Variants in PFDN1 observed in about 807,000 individuals in gnomAD.
PFDN1 encodes prefoldin 1.
A neutral mutation model predicts 17.3 loss-of-function variants in PFDN1; 6 were observed. That is an observed-to-expected ratio of 0.35 (90% CI 0.19 to 0.69). PFDN1 has a LOEUF of 0.69. Among genes scored for constraint, PFDN1 ranks in the 30% least tolerant of loss-of-function variants. The pLI is 0.65. For synonymous variants in PFDN1, 58 were observed against 50.1 expected, an observed-to-expected ratio of 1.16 and a Z score of -0.67; for missense variants, 113 against 146.2, an observed-to-expected ratio of 0.77 and a Z score of 1.17.
At chr5:140,280,258 C>T (rs577237584) in intron 3 of PFDN1, among the ~76,000 whole-genome samples, 3 of 58,396 alleles carry the variant, frequency 5.1e-5, no homozygotes, top group Admixed American at 1.3e-4. Context: ...TGCAAAAATG[C>T]ATTTTGTTTT....
chr5:140,257,879 G>A (rs1765010002), intron 3 of PFDN1, among the ~76,000 whole-genome samples: 1 of 152,172 alleles, frequency 6.6e-6, no homozygotes, highest in African/African-American at 2.4e-5. Flanking sequence ...CTTCGATGGA[G>A]GAAACATCTG....
In PFDN1 at chr5:140,258,330, G is replaced by A. The variant is rs116714352; in HGVS notation, c.286-12273C>T. Among the ~76,000 whole-genome samples the A allele has an allele frequency of 9.0e-3, 1,372 of 151,998 alleles. 22 individuals carry two copies. The highest frequency in any genetic ancestry group is 0.032 in the African/African-American group (1,321 of 41,422). ...ATCCCTCAGTCCCTGGAGTGGCTGG[G>A]TGGTCCAGGGCAGCCAAAACCCCCC... On this transcript the variant is annotated intron_variant, in intron 3 of 3. Transcript: ENST00000261813.
intron 3 of PFDN1, among the ~76,000 whole-genome samples, chr5:140,256,342 T>G (rs1764985131): frequency 6.6e-6 from 1 of 152,044 alleles, no homozygotes; most frequent in African/African-American, 2.4e-5. Context: ...ATCAAGCCAC[T>G]GTACTCCAGC....
intron 3 of PFDN1, among the ~76,000 whole-genome samples, chr5:140,259,421 T>C (rs1765033211): frequency 6.6e-6 from 1 of 152,188 alleles, no homozygotes. Flanking sequence ...CGATTACAGT[T>C]TCCCAATATA....
intron 3 of PFDN1, among the ~76,000 whole-genome samples, chr5:140,278,554 T>G (rs1765335802): frequency 1.4e-5 from 1 of 70,310 alleles, no homozygotes; most frequent in African/African-American, 6.9e-5. Context: ...TGAGACTCTG[T>G]CTCAAAAAAA....
intron 2 of PFDN1, chr5:140,293,091 T>C (rs140560585): frequency 6.6e-6 from 1 of 152,198 alleles, no homozygotes; most frequent in East Asian, 1.9e-4. Context: ...TTCAGAGAAA[T>C]TCAGCTAATT....
intron 3 of PFDN1, among the ~76,000 whole-genome samples, chr5:140,278,111 T>C (rs1765327168): frequency 6.7e-6 from 1 of 149,874 alleles, no homozygotes; most frequent in Admixed American, 6.6e-5. Context: ...AGGAGGCTGA[T>C]GCAGAAGAAT....
chr5:140,302,691 T>C (rs750449632), intron 1 of PFDN1, among the ~76,000 whole-genome samples: 11 of 151,920 alleles, frequency 7.2e-5, no homozygotes, highest in Non-Finnish European at 1.3e-4. Flanking sequence ...AGGCAAGGGG[T>C]CCGAAGGGAC....
At chr5:140,294,875 A>G (rs1765630668) in intron 2 of PFDN1, among the ~76,000 whole-genome samples, 1 of 151,828 alleles carries the variant, frequency 6.6e-6, no homozygotes, top group South Asian at 2.1e-4. Context: ...ATTGCTAGAC[A>G]CTTATCTAGT....
intron 2 of PFDN1, among the ~76,000 whole-genome samples, chr5:140,287,049 T>C (rs1043349007): frequency 1.1e-4 from 16 of 152,228 alleles, no homozygotes; most frequent in African/African-American, 3.9e-4. Flanking sequence ...ATGTAAGTTA[T>C]TATAAATATG....
chr5:140,246,312 C>G (rs1370794083), intron 3 of PFDN1, among the ~76,000 whole-genome samples: 1 of 152,208 alleles, frequency 6.6e-6, no homozygotes, highest in African/African-American at 2.4e-5. Context: ...CAGTAGCACT[C>G]TTCCCCCAGA....
intron 3 of PFDN1, among the ~76,000 whole-genome samples, chr5:140,260,515 A>T (rs747777135): frequency 1.3e-5 from 2 of 151,674 alleles, no homozygotes; most frequent in Non-Finnish European, 2.9e-5. Flanking sequence ...AGACATAAAA[A>T]CGAGAGAAGT....
intron 3 of PFDN1, among the ~76,000 whole-genome samples, chr5:140,272,840 T>A (rs751612260): frequency 6.6e-6 from 1 of 152,162 alleles, no homozygotes; most frequent in African/African-American, 2.4e-5. Flanking sequence ...TTTATAATGA[T>A]TAAGCTATAA....
rs10657250 is a variant in PFDN1, at chr5:140,267,753, C to CAAA, written c.285+13693_285+13695dup. Among the ~76,000 whole-genome samples, 273 of 147,934 alleles carry CAAA rather than the reference C, an allele frequency of 1.8e-3. 2 individuals carry two copies. The highest frequency in any genetic ancestry group is 0.017 in the Middle Eastern group (5 of 294). ...ACGGGGGATTATCAAATACTACCAG[C>CAAA]AAAAAAAAAACGCTAGTCATCACTT... On this transcript the variant is annotated intron_variant, in intron 3 of 3. Transcript: ENST00000261813.
chr5:140,252,925 C>A (rs953079511), intron 3 of PFDN1, among the ~76,000 whole-genome samples: 1 of 152,174 alleles, frequency 6.6e-6, no homozygotes, highest in Non-Finnish European at 1.5e-5. Flanking sequence ...AGGCAAAACC[C>A]CACACCTGAG....
intron 2 of PFDN1, among the ~76,000 whole-genome samples, chr5:140,282,278 T>C (rs867977752): frequency 3.3e-5 from 5 of 150,906 alleles, no homozygotes; most frequent in African/African-American, 1.2e-4. Context: ...AATAAAAATA[T>C]ATCATACGCT....
intron 3 of PFDN1, among the ~76,000 whole-genome samples, chr5:140,255,511 T>C (rs887810153): frequency 1.3e-5 from 2 of 152,084 alleles, no homozygotes; most frequent in Non-Finnish European, 2.9e-5. Flanking sequence ...TGGTGGTGCA[T>C]GTCTGTAGCC....
chr5:140,258,545 G>A (rs1333243565), intron 3 of PFDN1, among the ~76,000 whole-genome samples: 1 of 151,960 alleles, frequency 6.6e-6, no homozygotes, highest in Non-Finnish European at 1.5e-5. Context: ...GGAAAGAGAT[G>A]ACAGTATCTT....
chr5:140,286,621 C>T (rs76688084), intron 2 of PFDN1, among the ~76,000 whole-genome samples: 4 of 12,602 alleles, frequency 3.2e-4, no homozygotes, highest in Non-Finnish European at 4.3e-4. Context: ...GGGGGGGGGG[C>T]GGGGGAGACA....
Sources: allele counts gnomAD v4.1 joint callset (sites outside exome capture counted in the v4.1 genomes callset), GRCh38; gene constraint gnomAD v4.1.1; transcripts MANE v1.5; gene names NCBI Gene and HGNC (gene_info 2026-07-23, HGNC 2026-07-21).